The following NEMF variants were observed in gnomAD, a reference collection of about 807,000 sequenced individuals.
The protein encoded by NEMF is nuclear export mediator factor.
In NEMF, 89 loss-of-function variants were observed where a neutral mutation model predicts 162.2. The ratio of observed to expected loss-of-function variants is 0.55; its 90% CI spans 0.46 to 0.65. NEMF has a LOEUF of 0.65. NEMF is among the 30% of genes least tolerant of loss of function. The probability of loss-of-function intolerance (pLI) is 0.00; values close to 1 mark genes in which losing one functional copy is unlikely to be tolerated. For synonymous variants in NEMF, 421 were observed against 404.5 expected (o/e 1.04, Z -0.49); for missense variants, 1,133 against 1,261.9 (o/e 0.90, Z 1.55).
chr14:49,796,026 C>A (rs531964078), intron 25 of NEMF, 82 bp from the exon 26 acceptor site: 13 of 975,916 alleles, frequency 1.3e-5, no homozygotes, highest in Non-Finnish European at 2.0e-5. Context: ...GGGGAAGGCA[C>A]ATATACAGTA....
intron 6 of NEMF, 143 bp downstream of exon 6, chr14:49,837,996 T>C: frequency 1.8e-6 from 1 of 550,174 alleles, no homozygotes; most frequent in South Asian, 3.5e-5. Context: ...GTGGTTTAAC[T>C]TCTCTTTCTT....
At chr14:49,803,931 T>C (rs541203630) in intron 19 of NEMF, among the ~76,000 whole-genome samples, 1 of 152,264 alleles carries the variant, frequency 6.6e-6, no homozygotes, top group African/African-American at 2.4e-5. Flanking sequence ...ATCATAAAGC[T>C]ATGTTTACTA....
In NEMF at chr14:49,822,554, G is replaced by C. The variant is rs181726088; in HGVS notation, c.1577+3313C>G. Among the ~76,000 whole-genome samples, 48 of 150,932 alleles carry C rather than the reference G, an allele frequency of 3.2e-4. 1 individual carries two copies. The highest frequency in any genetic ancestry group is 3.4e-3 in the Middle Eastern group (1 of 292). Reference sequence around the variant, plus strand: ...AAAAAAGTAATAATGGCAGGGCCAGGCATGGTGGCTTTTATCTGTAATCCC... The same window carrying C: ...AAAAAAGTAATAATGGCAGGGCCAGCCATGGTGGCTTTTATCTGTAATCCC... On this transcript the variant is annotated intron_variant, in intron 16 of 32. Transcript: ENST00000298310.
intron 12 of NEMF, 38 bp downstream of exon 12, chr14:49,829,311 C>T (rs1259362340): frequency 4.3e-6 from 7 of 1,613,160 alleles, no homozygotes; most frequent in Non-Finnish European, 5.9e-6. Context: ...TTAAAGTTAA[C>T]ATTTTTGAAA....
chr14:49,799,709 T>C, intron 23 of NEMF, 31 bp from the exon 24 acceptor site: 3 of 1,568,206 alleles, frequency 1.9e-6, no homozygotes, highest in Middle Eastern at 1.7e-4. Flanking sequence ...GAGTCTCTAC[T>C]AGCCTGTAAA....
At chr14:49,845,460 A>G (rs770924706) in intron 4 of NEMF, among the ~76,000 whole-genome samples, 5 of 152,208 alleles carry the variant, frequency 3.3e-5, no homozygotes, top group African/African-American at 9.6e-5. Context: ...TCTTTCTTCA[A>G]TAATAAATTA....
At chr14:49,828,427 A>T in intron 14 of NEMF, 73 bp from the exon 15 acceptor site, 1 of 1,065,276 alleles carries the variant, frequency 9.4e-7, no homozygotes, top group South Asian at 1.5e-5. Flanking sequence ...TTCTAACTTG[A>T]CAAATTCTCA....
At chr14:49,803,432 C>A in intron 19 of NEMF, 138 bp from the exon 20 acceptor site, 1 of 527,432 alleles carries the variant, frequency 1.9e-6, no homozygotes, top group Non-Finnish European at 3.3e-6. Context: ...TACAAATTCT[C>A]AATACTAAAG....
chr14:49,811,116 T>A (rs569866500), intron 18 of NEMF, among the ~76,000 whole-genome samples: 29 of 152,252 alleles, frequency 1.9e-4, no homozygotes, highest in Non-Finnish European at 3.5e-4. Context: ...AATTTAGGTC[T>A]TTAATTCCTT....
At chr14:49,840,322 C>T (rs1222788679) in intron 5 of NEMF, among the ~76,000 whole-genome samples, 1 of 152,082 alleles carries the variant, frequency 6.6e-6, no homozygotes, top group Non-Finnish European at 1.5e-5. Flanking sequence ...ATTAGCTGGG[C>T]GTGGTGGCGC....
At position 49,826,081 on chromosome 14, in the gene NEMF, A is replaced by AAC. The variant is rs370441618; in HGVS notation, c.1489-128_1489-127dup. The AAC allele has an allele frequency of 2.3e-3, 1,270 of 554,700 alleles. 6 individuals carry two copies. The East Asian group carries it at 0.026, about 11-fold the overall frequency. 34.4% of individuals were successfully genotyped at this position (554,700 alleles called of 1,614,324 possible). ...GGCACAATCTACACACACACACACA[A>AAC]ACACACACACACACAAATACGCATA... On this transcript the variant is annotated intron_variant, in intron 15 of 32. Coordinates refer to ENST00000298310, the MANE Select transcript of NEMF (RefSeq NM_004713.6).
intron 3 of NEMF, among the ~76,000 whole-genome samples, chr14:49,848,833 CAAAAAAAA>C (rs36090515): frequency 7.4e-5 from 3 of 40,780 alleles, no homozygotes; most frequent in Admixed American, 2.8e-4. Flanking sequence ...GACTCCGTCT[CAAAAAAAA>C]AAAAAAAAAA....
chr14:49,787,945 G>A (rs1012203996), intron 28 of NEMF, among the ~76,000 whole-genome samples: 11 of 152,074 alleles, frequency 7.2e-5, no homozygotes, highest in Non-Finnish European at 1.6e-4. Flanking sequence ...TGGTGACAAA[G>A]GTAAAAATTT....
intron 6 of NEMF, among the ~76,000 whole-genome samples, chr14:49,836,169 C>T (rs141513465): frequency 2.6e-5 from 4 of 152,236 alleles, no homozygotes; most frequent in South Asian, 2.1e-4. Flanking sequence ...ATCCCAGCTA[C>T]GTGGGAGGCT....
At position 49,833,446 on chromosome 14, in the gene NEMF, T is replaced by C. The variant is rs1892743062; in HGVS notation, c.712A>G (p.Thr238Ala). 2 of 1,586,506 alleles carry C rather than the reference T, an allele frequency of 1.3e-6. No individual in the cohort carries two copies. Among genetic ancestry groups the C allele is most frequent in the Non-Finnish European group, 1.7e-6 (2 of 1,161,052 alleles). Residue 238 changes from threonine to alanine, a missense_variant, in exon 8 of 33, where the codon ACA becomes GCA. This residue lies in a region of NEMF where 582 missense variants were observed against 631.5 expected (regional missense o/e 0.92). Transcript: ENST00000298310. ...ACCTTCCCACTGAAGTTGGATGTTG[T>C]TTTCATATAGTCTTCTGCTTTCTGC... ...SLQKAEDYMK[T>A]TSNFSGKGYI... is the part of the protein sequence containing the mutation.
intron 4 of NEMF, among the ~76,000 whole-genome samples, chr14:49,844,124 A>G (rs1016717295): frequency 1.1e-4 from 16 of 150,150 alleles, no homozygotes; most frequent in Admixed American, 2.0e-4. Context: ...AAACAAAACA[A>G]AAAAAAAACC....
In NEMF at chr14:49,851,561, A is replaced by G. The variant is rs910748512; in HGVS notation, c.231+2T>C. On this transcript the variant is annotated splice_donor_variant, in intron 3 of 32. Transcript: ENST00000298310. LOFTEE classifies it high-confidence loss of function. ...ATTTAGCTTCAAGCGTAACAAGTTT[A>G]CCTTCATGGCAAAACTAGACGGCAT... 1.2e-6 allele frequency: 2 copies of G among 1,603,558 alleles called. No individual in the cohort carries two copies. The highest frequency in any genetic ancestry group is 1.7e-6 in the Non-Finnish European group (2 of 1,171,220).
intron 25 of NEMF, among the ~76,000 whole-genome samples, chr14:49,798,117 C>T (rs544164111): frequency 6.6e-6 from 1 of 152,294 alleles, no homozygotes; most frequent in African/African-American, 2.4e-5. Flanking sequence ...TGACCCTTAA[C>T]TGGAATAAGC....
At chr14:49,824,663 A>G (rs182830145) in intron 16 of NEMF, among the ~76,000 whole-genome samples, 1 of 152,082 alleles carries the variant, frequency 6.6e-6, no homozygotes, top group Admixed American at 6.5e-5. Context: ...TCCAGAGGTC[A>G]AGAGGTCCAC....
Sources: gnomAD v4.1 joint callset for allele counts (sites outside exome capture counted in the v4.1 genomes callset) on GRCh38, gnomAD v4.1.1 for gene constraint, gnomAD v4.1.1 regional missense constraint, MANE v1.5 for transcripts, NCBI Gene and HGNC (gene_info 2026-07-23, HGNC 2026-07-21) for gene names.